FUT8: variants seen among roughly 807,000 people sequenced by gnomAD.
FUT8 encodes alpha-(1,6)-fucosyltransferase.
Under a neutral mutation model 71.3 loss-of-function variants are expected in FUT8, and 29 were observed. That is an observed-to-expected ratio of 0.41 (90% CI 0.30 to 0.55). The LOEUF (loss-of-function observed/expected upper bound fraction) is 0.55, where lower values mean the gene tolerates loss of function less well. FUT8 is among the 20% of genes least tolerant of loss of function. FUT8 has a pLI of 0.34. For synonymous variants in FUT8, 254 were observed against 239.3 expected, an observed-to-expected ratio of 1.06 and a Z score of -0.57; for missense variants, 544 against 702.1, an observed-to-expected ratio of 0.77 and a Z score of 2.55.
intron 1 of FUT8, among the ~76,000 whole-genome samples, chr14:65,441,261 A>C (rs1014573101): frequency 2.6e-5 from 4 of 152,212 alleles, no homozygotes; most frequent in Admixed American, 6.5e-5. Context: ...AGAAGAGATT[A>C]GGGTTGTTGA....
intron 10 of FUT8, among the ~76,000 whole-genome samples, chr14:65,736,613 CTT>C (rs1896229940): frequency 1.3e-5 from 2 of 151,848 alleles, no homozygotes; most frequent in African/African-American, 2.4e-5. Context: ...TGAGTGAAGA[CTT>C]AGTATTTGAA....
chr14:65,428,343 G>A (rs1385810198), intron 1 of FUT8, among the ~76,000 whole-genome samples: 2 of 152,106 alleles, frequency 1.3e-5, no homozygotes, highest in Non-Finnish European at 2.9e-5. Context: ...TTTAAGAGGT[G>A]GGGCCTTTGG....
chr14:65,611,272 CACACACACACACACACACACACACACACA>C lies in FUT8; in HGVS notation c.204-4705_204-4677del, dbSNP rs1566851397. Among the ~76,000 whole-genome samples the C allele has an allele frequency of 2.6e-4, 17 of 66,066 alleles. 1 individual carries two copies. The highest frequency in any genetic ancestry group is 6.7e-4 in the African/African-American group (8 of 11,970). The allele number at this position is 66,066 out of a possible 152,430, so 43.3% of individuals were successfully genotyped here. The stretch of plus-strand genomic sequence containing the variant: ...ACACACACACACACACACACACACA[CACACACACACACACACACACACACACACA>C]CCCCCCAAGTAATAGCCTTGATTTT... On this transcript the variant is annotated intron_variant, in intron 3 of 10. Transcript: ENST00000673929.
At chr14:65,469,885 G>A (rs547309019) in intron 2 of FUT8, among the ~76,000 whole-genome samples, 1 of 152,320 alleles carries the variant, frequency 6.6e-6, no homozygotes, top group South Asian at 2.1e-4. Context: ...GCCATGGGTG[G>A]GCTGGAAAAG....
intron 7 of FUT8, among the ~76,000 whole-genome samples, chr14:65,706,902 A>G (rs1037508703): frequency 3.9e-5 from 6 of 152,282 alleles, no homozygotes; most frequent in Admixed American, 1.3e-4. Context: ...ATTCATGTTG[A>G]ACGGGGCTAG....
rs563963869 is a variant in FUT8 at position 65,512,505 on chromosome 14, C to T, written c.-227-48832C>T. Among the ~76,000 whole-genome samples, 7 of 152,186 alleles carry T rather than the reference C, an allele frequency of 4.6e-5. No individual in the cohort carries two copies. In the South Asian group the frequency reaches 8.3e-4, roughly 18 times the overall value. Reference sequence around the variant, plus strand: ...TATGGGACCACTCATATATGCAGTTCGTTGTTGATTAAAACCATCATTATG... The same window carrying T: ...TATGGGACCACTCATATATGCAGTTTGTTGTTGATTAAAACCATCATTATG... On this transcript the variant is annotated intron_variant, in intron 2 of 10. Transcript: ENST00000673929.
chr14:65,575,572 C>CTTCT (rs1566830306), intron 3 of FUT8, among the ~76,000 whole-genome samples: 2 of 2,710 alleles, frequency 7.4e-4, no homozygotes, highest in Non-Finnish European at 9.3e-3. Flanking sequence ...CCCTTCTTTC[C>CTTCT]TTCCTTCCTT....
At chr14:65,470,410 C>G (rs1045923836) in intron 2 of FUT8, among the ~76,000 whole-genome samples, 6 of 152,166 alleles carry the variant, frequency 3.9e-5, no homozygotes, top group Non-Finnish European at 8.8e-5. Context: ...GTCTACCACC[C>G]AGGCTTGGGT....
intron 2 of FUT8, among the ~76,000 whole-genome samples, chr14:65,540,551 A>G (rs1884615876): frequency 6.6e-6 from 1 of 152,216 alleles, no homozygotes; most frequent in Non-Finnish European, 1.5e-5. Flanking sequence ...TGGGTCCCTG[A>G]GGACTTTGTG....
At chr14:65,379,546 A>AC in the FUT8 span, among the ~76,000 whole-genome samples, 1 of 152,096 alleles carries the variant, frequency 6.6e-6, no homozygotes, top group African/African-American at 2.4e-5. Flanking sequence ...AAAAACAAAA[A>AC]AAAAAAGTGA....
chr14:65,689,546 T>TTTG (rs1566896949), intron 7 of FUT8, among the ~76,000 whole-genome samples: 2 of 151,484 alleles, frequency 1.3e-5, no homozygotes, highest in Non-Finnish European at 2.9e-5. Flanking sequence ...TTGTTTGTTT[T>TTTG]TTTGTTTTTT....
At chr14:65,459,997 T>A (rs2065948775) in intron 2 of FUT8, among the ~76,000 whole-genome samples, 1 of 152,212 alleles carries the variant, frequency 6.6e-6, no homozygotes, top group Admixed American at 6.5e-5. Flanking sequence ...ATAGATAGGC[T>A]TGTTATAAGA....
Position 65,623,222 on chromosome 14 carries a change from G to A in FUT8, c.483-6270G>A, listed in dbSNP as rs544161367. Among the ~76,000 whole-genome samples, 104 of 152,098 alleles carry A rather than the reference G, an allele frequency of 6.8e-4. 1 individual carries two copies. In the South Asian group the frequency reaches 0.021, roughly 30 times the overall value. ...CTCTCTTCAACATTTTGAATCAGGCGTAAACAAAAAGCCCTCTTTGTGTTT... is the reference window on the plus strand; with the variant it reads ...CTCTCTTCAACATTTTGAATCAGGCATAAACAAAAAGCCCTCTTTGTGTTT... On this transcript the variant is annotated intron_variant, in intron 5 of 10. Transcript: ENST00000673929.
chr14:65,524,922 G>GC (rs1158092136), intron 2 of FUT8, among the ~76,000 whole-genome samples: 11 of 152,316 alleles, frequency 7.2e-5, no homozygotes, highest in Non-Finnish European at 1.2e-4. Context: ...CAGGGATGAA[G>GC]CCCACTTGAT....
At chr14:65,498,903 A>G (rs2066601530) in intron 2 of FUT8, among the ~76,000 whole-genome samples, 1 of 152,218 alleles carries the variant, frequency 6.6e-6, no homozygotes, top group Non-Finnish European at 1.5e-5. Context: ...TGCCTCTTTC[A>G]TTGTGAAAAA....
chr14:65,713,221 T>C (rs1275628527), intron 7 of FUT8, among the ~76,000 whole-genome samples: 1 of 152,244 alleles, frequency 6.6e-6, no homozygotes, highest in Non-Finnish European at 1.5e-5. Flanking sequence ...TCCATGTTGT[T>C]GCAAATGACA....
intron 1 of FUT8, among the ~76,000 whole-genome samples, chr14:65,432,393 CTTT>C (rs5809274): frequency 1.4e-5 from 2 of 144,296 alleles, no homozygotes; most frequent in Admixed American, 6.9e-5. Context: ...TTCTACTTTC[CTTT>C]TTTTTTTTTT....
chr14:65,575,568 T>TTCCC (rs1886711798), intron 3 of FUT8, among the ~76,000 whole-genome samples: 1 of 77,580 alleles, frequency 1.3e-5, no homozygotes, highest in Non-Finnish European at 2.3e-5. Flanking sequence ...CCCTCCCTTC[T>TTCCC]TTCCTTCCTT....
intron 5 of FUT8, among the ~76,000 whole-genome samples, chr14:65,620,516 A>AT (rs1457822959): frequency 2.0e-5 from 3 of 152,116 alleles, no homozygotes; most frequent in Non-Finnish European, 2.9e-5. Context: ...TAGCTTACAG[A>AT]TTTTTTTTAA....
Sources: allele counts gnomAD v4.1 joint callset (sites outside exome capture counted in the v4.1 genomes callset), GRCh38; gene constraint gnomAD v4.1.1; transcripts MANE v1.5; gene names NCBI Gene and HGNC (gene_info 2026-07-23, HGNC 2026-07-21).